MYOM2: variants seen among roughly 807,000 people sequenced by gnomAD.
MYOM2 encodes myomesin 2.
MYOM2 carries 254 observed loss-of-function variants against 187.6 expected under a neutral mutation model. That is an observed-to-expected ratio of 1.35 (90% CI 1.22 to 1.50). MYOM2 has a LOEUF of 1.50. Ranked by LOEUF, MYOM2 falls within the 40% of genes most tolerant of loss-of-function variation. MYOM2 has a pLI of 0.00. For missense variants in MYOM2, 2,796 were observed against 1,924.0 expected, an observed-to-expected ratio of 1.45 and a Z score of -8.48; for synonymous variants, 981 against 753.8, an observed-to-expected ratio of 1.30 and a Z score of -4.94.
intron 20 of MYOM2, chr8:2,101,964 T>C (rs1439321965): frequency 6.6e-6 from 1 of 152,246 alleles, no homozygotes; most frequent in Non-Finnish European, 1.5e-5. Context: ...GCCTACATGC[T>C]CCAGCTGAGT....
chr8:2,130,725 G>C (rs951915379), intron 32 of MYOM2, among the ~76,000 whole-genome samples: 2 of 152,172 alleles, frequency 1.3e-5, no homozygotes, highest in Non-Finnish European at 2.9e-5. Flanking sequence ...TAGATCCCAT[G>C]TTAAGGGATT....
chr8:2,116,401 G>T, intron 27 of MYOM2, 126 bp downstream of exon 27: 1 of 917,536 alleles, frequency 1.1e-6, no homozygotes, highest in Non-Finnish European at 1.6e-6. Context: ...ATGATTAAGA[G>T]GTTAGGCTTA....
chr8:2,071,285 G>A (rs1819206301), intron 8 of MYOM2, among the ~76,000 whole-genome samples: 1 of 152,064 alleles, frequency 6.6e-6, no homozygotes, highest in Non-Finnish European at 1.5e-5. Context: ...ATGAGCCACT[G>A]TACCCGGCCT....
intron 13 of MYOM2, among the ~76,000 whole-genome samples, chr8:2,084,228 C>T (rs371208055): frequency 5.3e-5 from 8 of 152,160 alleles, no homozygotes; most frequent in East Asian, 3.8e-4. Context: ...CTGCATTTTC[C>T]GGAGACACAC....
intron 13 of MYOM2, among the ~76,000 whole-genome samples, chr8:2,079,924 T>G (rs538224397): frequency 2.0e-5 from 3 of 152,308 alleles, no homozygotes; most frequent in African/African-American, 7.2e-5. Flanking sequence ...AGCTCAGACT[T>G]GGTTCCTGGG....
chr8:2,103,769 A>C (rs1796800179), intron 21 of MYOM2, among the ~76,000 whole-genome samples: 1 of 151,056 alleles, frequency 6.6e-6, no homozygotes. Flanking sequence ...GAGAGCATGC[A>C]TGTGTTATGT....
At chr8:2,066,653 C>G (rs188511434) in intron 6 of MYOM2, among the ~76,000 whole-genome samples, 1 of 152,346 alleles carries the variant, frequency 6.6e-6, no homozygotes, top group East Asian at 1.9e-4. Flanking sequence ...GGACCCCAGT[C>G]CCAGGCATGT....
At chr8:2,124,065 T>A in intron 30 of MYOM2, 114 bp from the exon 31 acceptor site, 1 of 1,043,854 alleles carries the variant, frequency 9.6e-7, no homozygotes, top group Non-Finnish European at 1.4e-6. Flanking sequence ...ATTTTAATGA[T>A]TCATTTTTCA....
intron 36 of MYOM2, among the ~76,000 whole-genome samples, chr8:2,144,463 T>G (rs533016440): frequency 1.4e-4 from 22 of 152,328 alleles, no homozygotes; most frequent in African/African-American, 4.6e-4. Context: ...AGCTCGCCTG[T>G]GAAGTGGTGA....
intron 17 of MYOM2, 56 bp from the exon 18 acceptor site, chr8:2,096,191 G>A: frequency 6.4e-7 from 1 of 1,559,368 alleles, no homozygotes; most frequent in Non-Finnish European, 8.7e-7. Flanking sequence ...GGCTGCCCCG[G>A]GGACAAAGCC....
At chr8:2,045,797 T>G (rs1364178253) in intron 1 of MYOM2, among the ~76,000 whole-genome samples, 1 of 152,228 alleles carries the variant, frequency 6.6e-6, no homozygotes, top group African/African-American at 2.4e-5. Flanking sequence ...AGGCTGTGCC[T>G]TCTCAGGGCG....
intron 24 of MYOM2, 152 bp from the exon 25 acceptor site, chr8:2,109,242 AT>A (rs1796988652): frequency 1.1e-6 from 1 of 932,938 alleles, no homozygotes; most frequent in African/African-American, 1.7e-5. Context: ...CTCAAGTTTT[AT>A]TTTATATTTT....
At chr8:2,121,022 C>T (rs1453838116) in intron 28 of MYOM2, among the ~76,000 whole-genome samples, 1 of 151,942 alleles carries the variant, frequency 6.6e-6, no homozygotes, top group East Asian at 1.9e-4. Flanking sequence ...GGGAAGTGGT[C>T]TTTAGAAGTC....
Position 2,052,250 on chromosome 8 carries a change from T to C in MYOM2, c.200T>C (p.Ile67Thr). Residue 67 changes from isoleucine to threonine, a missense_variant, in exon 3 of 37, where the codon ATC becomes ACC. Coordinates refer to ENST00000262113, the MANE Select transcript of MYOM2 (RefSeq NM_003970.4). ...ASSQTSLGGT[I>T]CRVCAKRVST... ...AGCCAGACGTCCCTGGGAGGAACCA[T>C]CTGCAGGGTCTGTGCGAAGCGAGTG... is the stretch of plus-strand genomic sequence containing the variant. 1.9e-6 allele frequency: 3 copies of C among 1,613,136 alleles called. No homozygotes were observed. Among genetic ancestry groups the C allele is most frequent in the Non-Finnish European group, 2.5e-6 (3 of 1,179,804 alleles).
intron 32 of MYOM2, 31 bp from the exon 33 acceptor site, chr8:2,140,690 TAA>T: frequency 6.2e-7 from 1 of 1,610,292 alleles, no homozygotes; most frequent in Admixed American, 1.7e-5. Flanking sequence ...ATGGAGACCC[TAA>T]CTCAGATACG....
At chr8:2,103,837 T>C (rs540654147) in intron 21 of MYOM2, among the ~76,000 whole-genome samples, 63 of 152,190 alleles carry the variant, frequency 4.1e-4, no homozygotes, top group African/African-American at 1.4e-3. Flanking sequence ...TGTGCATATA[T>C]TATGTGTATA....
intron 13 of MYOM2, among the ~76,000 whole-genome samples, chr8:2,082,948 A>C (rs1289832971): frequency 1.3e-5 from 2 of 152,180 alleles, no homozygotes; most frequent in Non-Finnish European, 2.9e-5. Flanking sequence ...TTGGAACCAG[A>C]AGACCTAAGC....
Position 2,098,872 on chromosome 8 carries a change from GA to G in MYOM2, c.2331del (p.Gly778AlafsTer42). On this transcript the variant is annotated frameshift_variant, in exon 19 of 37. Coordinates refer to ENST00000262113, the MANE Select transcript of MYOM2 (RefSeq NM_003970.4). LOFTEE classifies it high-confidence loss of function. ...ATCTGAATAGGTGGACGGCTTGACGGAAGGCTCACTCTACGAGTTCAAAATC... is the reference window on the plus strand; with the variant it reads ...ATCTGAATAGGTGGACGGCTTGACGGAGGCTCACTCTACGAGTTCAAAATC... Reference protein sequence around the residue: ...PTILTVDGLTEGSLYEFKIAA... With the variant: ...PTILTVDGLTXGSLYEFKIAA... The G allele has an allele frequency of 6.2e-7, 1 of 1,612,784 alleles. No homozygotes were observed. The highest frequency in any genetic ancestry group is 8.5e-7 in the Non-Finnish European group (1 of 1,179,266).
chr8:2,142,995 A>G (rs1798329773), intron 35 of MYOM2, among the ~76,000 whole-genome samples: 2 of 151,856 alleles, frequency 1.3e-5, no homozygotes, highest in Non-Finnish European at 2.9e-5. Context: ...ACCTCAGATG[A>G]TCTGCCCGCC....
Sources: gnomAD v4.1 joint callset for allele counts (sites outside exome capture counted in the v4.1 genomes callset) on GRCh38, gnomAD v4.1.1 for gene constraint, MANE v1.5 for transcripts, NCBI Gene and HGNC (gene_info 2026-07-23, HGNC 2026-07-21) for gene names.